Variants in ROBO1 observed in about 807,000 individuals in gnomAD.
The protein encoded by ROBO1 is roundabout homolog 1.
In ROBO1, 149 loss-of-function variants were observed where a neutral mutation model predicts 195.9. The observed-to-expected ratio is 0.76, with a 90% CI of 0.67 to 0.87. The LOEUF (loss-of-function observed/expected upper bound fraction) is 0.87, where lower values mean the gene tolerates loss of function less well. Among genes scored for constraint, ROBO1 ranks in the 40% least tolerant of loss-of-function variants. ROBO1 has a pLI of 0.00. For synonymous variants in ROBO1, 816 were observed against 733.2 expected, an observed-to-expected ratio of 1.11 and a Z score of -1.82; for missense variants, 1,933 against 2,068.3, an observed-to-expected ratio of 0.93 and a Z score of 1.27.
chr3:79,153,104 T>C (rs914828796), intron 2 of ROBO1, among the ~76,000 whole-genome samples: 3 of 151,678 alleles, frequency 2.0e-5, no homozygotes, highest in African/African-American at 7.3e-5. Context: ...CGGATGTGTG[T>C]GCATTGAGGG....
chr3:78,636,239 T>C (rs1705493933), intron 22 of ROBO1, 131 bp from the exon 23 acceptor site: 1 of 585,674 alleles, frequency 1.7e-6, no homozygotes, highest in Non-Finnish European at 2.9e-6. Flanking sequence ...ATAAGATCAA[T>C]AAAAACGGCC....
At chr3:79,696,790 G>A (rs938057022) in intron 1 of ROBO1, among the ~76,000 whole-genome samples, 1 of 151,338 alleles carries the variant, frequency 6.6e-6, no homozygotes, top group Non-Finnish European at 1.5e-5. Flanking sequence ...TGAAAAAAGT[G>A]GCAATTGTAT....
At chr3:79,700,311 G>T (rs866101309) in intron 1 of ROBO1, among the ~76,000 whole-genome samples, 67 of 90,156 alleles carry the variant, frequency 7.4e-4, no homozygotes, top group African/African-American at 2.7e-3. Context: ...GTTTGTGTGT[G>T]TGTGTTTGTG....
chr3:79,360,631 A>G (rs974642693), intron 2 of ROBO1, among the ~76,000 whole-genome samples: 8 of 151,994 alleles, frequency 5.3e-5, no homozygotes, highest in Admixed American at 2.6e-4. Context: ...GACACTTTAC[A>G]TGGATTAGTC....
chr3:79,005,931 G>C (rs1337013448), intron 3 of ROBO1, among the ~76,000 whole-genome samples: 1 of 152,104 alleles, frequency 6.6e-6, no homozygotes, highest in Non-Finnish European at 1.5e-5. Context: ...GCAGAAGGTA[G>C]GGACTTCTTT....
chr3:79,242,037 T>C (rs1441058766), intron 2 of ROBO1, among the ~76,000 whole-genome samples: 3 of 151,500 alleles, frequency 2.0e-5, no homozygotes, highest in African/African-American at 7.3e-5. Context: ...GAATGTGAAA[T>C]GAAAGGTAAT....
chr3:79,152,964 TGAAAAGC>T (rs991298154), intron 2 of ROBO1, among the ~76,000 whole-genome samples: 45 of 151,884 alleles, frequency 3.0e-4, no homozygotes, highest in African/African-American at 1.1e-3. Flanking sequence ...TAGCCCATTT[TGAAAAGC>T]GAAAGAGGTT....
chr3:79,062,087 T>C (rs1459450891), intron 3 of ROBO1, among the ~76,000 whole-genome samples: 1 of 152,020 alleles, frequency 6.6e-6, no homozygotes, highest in South Asian at 2.1e-4. Flanking sequence ...GAAAAAATTT[T>C]TGCAATCTAC....
At chr3:79,149,241 C>G (rs988362743) in intron 2 of ROBO1, among the ~76,000 whole-genome samples, 3 of 151,912 alleles carry the variant, frequency 2.0e-5, no homozygotes, top group African/African-American at 7.2e-5. Context: ...AGAATCTAAG[C>G]AAACTAGTTA....
In ROBO1 at chr3:79,256,233, T is replaced by C. The variant is rs569770489; in HGVS notation, c.89-130694A>G. ...AGTCTGTGTAAAAACCACATAATACTTTCTAAGTCTCCTCTTCTTTGGTTC... is the reference window on the plus strand; with the variant it reads ...AGTCTGTGTAAAAACCACATAATACCTTCTAAGTCTCCTCTTCTTTGGTTC... On this transcript the variant is annotated intron_variant, in intron 2 of 30. Transcript: ENST00000464233. Among the ~76,000 whole-genome samples the C allele has an allele frequency of 4.6e-4, 70 of 152,320 alleles. No individual in the cohort carries two copies. In the South Asian group the frequency reaches 0.011, roughly 24 times the overall value.
At chr3:79,419,515 T>A (rs914761026) in intron 2 of ROBO1, among the ~76,000 whole-genome samples, 2 of 152,124 alleles carry the variant, frequency 1.3e-5, no homozygotes, top group Non-Finnish European at 2.9e-5. Context: ...TGAAAACCAC[T>A]CTCAGGATCG....
chr3:78,623,672 C>A (rs1199405440), intron 26 of ROBO1, among the ~76,000 whole-genome samples: 1 of 152,112 alleles, frequency 6.6e-6, no homozygotes, highest in Non-Finnish European at 1.5e-5. Flanking sequence ...GCTGAAGCAA[C>A]AAGACCACTT....
At chr3:79,115,564 A>T (rs750642905) in intron 3 of ROBO1, among the ~76,000 whole-genome samples, 3 of 152,078 alleles carry the variant, frequency 2.0e-5, no homozygotes, top group Non-Finnish European at 1.5e-5. Context: ...GCTTAATCAC[A>T]TGGTATTACT....
chr3:78,964,845 AC>A (rs1359948568), intron 3 of ROBO1, among the ~76,000 whole-genome samples: 2 of 150,380 alleles, frequency 1.3e-5, no homozygotes, highest in Non-Finnish European at 3.0e-5. Flanking sequence ...TTCATTTGAA[AC>A]CTTTTTTTTT....
intron 2 of ROBO1, among the ~76,000 whole-genome samples, chr3:79,569,392 C>A (rs1457804824): frequency 6.6e-6 from 1 of 152,168 alleles, no homozygotes; most frequent in South Asian, 2.1e-4. Context: ...CTTTAGCTTG[C>A]ACCTTAGTCA....
intron 2 of ROBO1, among the ~76,000 whole-genome samples, chr3:79,553,632 T>C (rs1031536088): frequency 6.6e-6 from 1 of 152,120 alleles, no homozygotes; most frequent in Non-Finnish European, 1.5e-5. Context: ...TGAATGATTA[T>C]GTAAACATTT....
At chr3:78,930,828 T>C (rs2039480631) in intron 4 of ROBO1, among the ~76,000 whole-genome samples, 1 of 152,210 alleles carries the variant, frequency 6.6e-6, no homozygotes, top group African/African-American at 2.4e-5. Context: ...ACTCATTCTC[T>C]ACACATGTAA....
chr3:78,674,416 C>T (rs13097391), intron 10 of ROBO1, among the ~76,000 whole-genome samples: 22 of 152,148 alleles, frequency 1.4e-4, no homozygotes, highest in Non-Finnish European at 2.8e-4. Flanking sequence ...GTATAAATAC[C>T]GGTATTTCCA....
intron 10 of ROBO1, among the ~76,000 whole-genome samples, chr3:78,683,444 T>C (rs2080978471): frequency 6.6e-6 from 1 of 152,082 alleles, no homozygotes; most frequent in South Asian, 2.1e-4. Context: ...AAGAATATGT[T>C]GATGATCTTC....
Sources: allele counts gnomAD v4.1 joint callset (sites outside exome capture counted in the v4.1 genomes callset), GRCh38; gene constraint gnomAD v4.1.1; transcripts MANE v1.5; gene names NCBI Gene and HGNC (gene_info 2026-07-23, HGNC 2026-07-21).